Variants in LMNTD1 observed in about 807,000 individuals in gnomAD.
The protein encoded by LMNTD1 is lamin tail domain-containing protein 1.
LMNTD1 carries 35 observed loss-of-function variants against 50.9 expected under a neutral mutation model. The observed-to-expected ratio is 0.69, with a 90% CI of 0.53 to 0.91. The LOEUF (loss-of-function observed/expected upper bound fraction) is 0.91, where lower values mean the gene tolerates loss of function less well. LMNTD1 is among the 40% of genes least tolerant of loss of function. The pLI is 0.00. For missense variants in LMNTD1, 470 were observed against 475.5 expected (o/e 0.99, Z 0.11); for synonymous variants, 153 against 161.9 (o/e 0.94, Z 0.42).
chr12:25,550,938 C>T (rs1943706412), intron 2 of LMNTD1, among the ~76,000 whole-genome samples: 1 of 152,184 alleles, frequency 6.6e-6, no homozygotes, highest in South Asian at 2.1e-4. Flanking sequence ...GTGCACTTAA[C>T]ATCCTGCTGA....
intron 1 of LMNTD1, among the ~76,000 whole-genome samples, chr12:25,612,905 G>A (rs184388042): frequency 6.6e-6 from 1 of 152,068 alleles, no homozygotes; most frequent in Admixed American, 6.6e-5. Context: ...TATCTGAGTG[G>A]GTCCTGTGAT....
At chr12:25,506,721 A>C (rs900820177) in intron 8 of LMNTD1, among the ~76,000 whole-genome samples, 1 of 150,582 alleles carries the variant, frequency 6.6e-6, no homozygotes, top group African/African-American at 2.5e-5. Context: ...GGTACATACT[A>C]GATTCTATCA....
chr12:25,610,430 G>A (rs770897859), intron 1 of LMNTD1, among the ~76,000 whole-genome samples: 1 of 152,180 alleles, frequency 6.6e-6, no homozygotes, highest in Non-Finnish European at 1.5e-5. Flanking sequence ...CAGTCACACT[G>A]AGAGCTGCAG....
intron 1 of LMNTD1, among the ~76,000 whole-genome samples, chr12:25,641,381 C>T (rs1277831757): frequency 1.3e-5 from 2 of 151,916 alleles, no homozygotes; most frequent in African/African-American, 4.8e-5. Flanking sequence ...AAGCTACATG[C>T]CATGGAAAGG....
intron 1 of LMNTD1, among the ~76,000 whole-genome samples, chr12:25,590,687 T>C (rs1161035536): frequency 6.6e-6 from 1 of 152,136 alleles, no homozygotes; most frequent in African/African-American, 2.4e-5. Context: ...TGGAGGACTT[T>C]GTCTGGCATC....
At chr12:25,494,035 CT>C (rs1938978017) in intron 9 of LMNTD1, among the ~76,000 whole-genome samples, 1 of 152,122 alleles carries the variant, frequency 6.6e-6, no homozygotes, top group Non-Finnish European at 1.5e-5. Flanking sequence ...AAGTGGATTC[CT>C]TCCCCACCCC....
At chr12:25,525,715 A>G (rs1941658379) in intron 6 of LMNTD1, among the ~76,000 whole-genome samples, 1 of 152,140 alleles carries the variant, frequency 6.6e-6, no homozygotes, top group South Asian at 2.1e-4. Context: ...GGGTGAGCTA[A>G]GAGGATGGGG....
intron 1 of LMNTD1, among the ~76,000 whole-genome samples, chr12:25,607,653 T>A (rs1429143339): frequency 1.3e-5 from 2 of 152,146 alleles, no homozygotes; most frequent in African/African-American, 4.8e-5. Context: ...TTTGAGTGAG[T>A]TTCTTAATCC....
chr12:25,583,361 G>C (rs1945388926), intron 1 of LMNTD1, among the ~76,000 whole-genome samples: 1 of 151,968 alleles, frequency 6.6e-6, no homozygotes, highest in Admixed American at 6.6e-5. Context: ...TAGAGCCGAG[G>C]TCTCACTATG....
At chr12:25,519,734 T>C in intron 7 of LMNTD1, 124 bp downstream of exon 7, 1 of 663,892 alleles carries the variant, frequency 1.5e-6, no homozygotes, top group Non-Finnish European at 2.6e-6. Flanking sequence ...AATAGTAGTT[T>C]CCAAAAATCA....
intron 1 of LMNTD1, among the ~76,000 whole-genome samples, chr12:25,570,313 T>G (rs1347140148): frequency 1.3e-5 from 2 of 152,108 alleles, no homozygotes; most frequent in Admixed American, 6.5e-5. Flanking sequence ...AAGGCTCAAA[T>G]AAGGGAAGCA....
At chr12:25,510,216 G>T (rs1301789349) in intron 8 of LMNTD1, among the ~76,000 whole-genome samples, 1 of 149,484 alleles carries the variant, frequency 6.7e-6, no homozygotes. Context: ...CCTTAGTGTG[G>T]ATTTGCCATT....
chr12:25,558,988 T>G (rs900300391), intron 1 of LMNTD1, among the ~76,000 whole-genome samples: 4 of 150,556 alleles, frequency 2.7e-5, no homozygotes, highest in South Asian at 2.1e-4. Flanking sequence ...TGAGACAGTC[T>G]TTTTTTTTAG....
At chr12:25,638,496 A>G (rs1187977918) in intron 1 of LMNTD1, among the ~76,000 whole-genome samples, 1 of 152,096 alleles carries the variant, frequency 6.6e-6, no homozygotes, top group Non-Finnish European at 1.5e-5. Flanking sequence ...ATGATAGGAT[A>G]AAAGATTAAT....
At chr12:25,594,651 C>CAAAAAA (rs61299586) in intron 1 of LMNTD1, among the ~76,000 whole-genome samples, 119 of 69,882 alleles carry the variant, frequency 1.7e-3, no homozygotes, top group African/African-American at 3.2e-3. Context: ...AACAGAAATA[C>CAAAAAA]AAAAAAAAAA....
At chr12:25,612,005 T>C (rs1309869444) in intron 1 of LMNTD1, among the ~76,000 whole-genome samples, 1 of 152,146 alleles carries the variant, frequency 6.6e-6, no homozygotes, top group Non-Finnish European at 1.5e-5. Flanking sequence ...CAGCAAAAAA[T>C]TTCCATCCAG....
At chr12:25,625,717 C>G (rs1946575195) in intron 1 of LMNTD1, among the ~76,000 whole-genome samples, 1 of 152,218 alleles carries the variant, frequency 6.6e-6, no homozygotes. Context: ...GTTTTTCTGA[C>G]CTGGTGGTTG....
At chr12:25,494,371 A>G (rs539360110) in intron 9 of LMNTD1, among the ~76,000 whole-genome samples, 1 of 152,324 alleles carries the variant, frequency 6.6e-6, no homozygotes, top group African/African-American at 2.4e-5. Flanking sequence ...GAATAATACT[A>G]TTCTCAAACA....
At chr12:25,544,280 T>C (rs1372418429) in intron 4 of LMNTD1, among the ~76,000 whole-genome samples, 2 of 151,920 alleles carry the variant, frequency 1.3e-5, no homozygotes, top group Non-Finnish European at 2.9e-5. Context: ...ATAATTATTA[T>C]ATCTTCTTGC....
Sources: allele counts gnomAD v4.1 joint callset (sites outside exome capture counted in the v4.1 genomes callset), GRCh38; gene constraint gnomAD v4.1.1; transcripts MANE v1.5; gene names NCBI Gene and HGNC (gene_info 2026-07-23, HGNC 2026-07-21).